PPP1R9A: variants seen among roughly 807,000 people sequenced by gnomAD.
The protein encoded by PPP1R9A is protein phosphatase 1 regulatory subunit 9A, also known as neurabin-1.
In PPP1R9A, 59 loss-of-function variants were observed where a neutral mutation model predicts 141.9. The ratio of observed to expected loss-of-function variants is 0.42; its 90% CI spans 0.34 to 0.52. The LOEUF is 0.52. Among genes scored for constraint, PPP1R9A ranks in the 20% least tolerant of loss-of-function variants. The pLI, the probability that PPP1R9A is intolerant of heterozygous loss-of-function variation, is 0.10. For synonymous variants in PPP1R9A, 500 were observed against 569.7 expected, an observed-to-expected ratio of 0.88 and a Z score of 1.74; for missense variants, 1,444 against 1,611.9, an observed-to-expected ratio of 0.90 and a Z score of 1.78.
chr7:95,222,879 CA>C (rs1794648716), intron 7 of PPP1R9A, among the ~76,000 whole-genome samples: 1 of 151,850 alleles, frequency 6.6e-6, no homozygotes, highest in African/African-American at 2.4e-5. Context: ...AGTGTAACCA[CA>C]AAAATAATTT....
At chr7:95,037,298 A>T (rs911067295) in intron 2 of PPP1R9A, among the ~76,000 whole-genome samples, 1 of 152,116 alleles carries the variant, frequency 6.6e-6, no homozygotes, top group Non-Finnish European at 1.5e-5. Context: ...AACTGAAAAA[A>T]ATTGAGATAA....
intron 2 of PPP1R9A, among the ~76,000 whole-genome samples, chr7:95,023,664 C>A (rs771891952): frequency 6.6e-6 from 1 of 152,118 alleles, no homozygotes; most frequent in Non-Finnish European, 1.5e-5. Flanking sequence ...CGCCATTCTC[C>A]TGCCTCCTTC....
intron 12 of PPP1R9A, among the ~76,000 whole-genome samples, chr7:95,254,247 G>A (rs570502068): frequency 6.6e-6 from 1 of 152,288 alleles, no homozygotes; most frequent in Admixed American, 6.5e-5. Flanking sequence ...TGCTCTTCCA[G>A]TTTTGCTGTG....
chr7:94,936,103 A>G (rs186297711), intron 2 of PPP1R9A, among the ~76,000 whole-genome samples: 14 of 152,262 alleles, frequency 9.2e-5, no homozygotes, highest in Non-Finnish European at 1.3e-4. Context: ...TTTCCTCAAT[A>G]ATTAGGTTTA....
chr7:94,968,121 T>C (rs542896068), intron 2 of PPP1R9A, among the ~76,000 whole-genome samples: 77 of 152,304 alleles, frequency 5.1e-4, no homozygotes, highest in Non-Finnish European at 9.7e-4. Flanking sequence ...GTTTTTAGGA[T>C]AGTTAGCTCT....
intron 2 of PPP1R9A, among the ~76,000 whole-genome samples, chr7:94,917,645 C>T (rs1312896598): frequency 3.3e-5 from 5 of 150,898 alleles, no homozygotes; most frequent in African/African-American, 9.8e-5. Context: ...TGGGTTCAAG[C>T]GACCCTCCTG....
At chr7:95,247,651 T>C (rs966532396) in intron 9 of PPP1R9A, 125 bp downstream of exon 9, 2 of 762,636 alleles carry the variant, frequency 2.6e-6, no homozygotes, top group African/African-American at 3.6e-5. Context: ...GATAGATTCA[T>C]TTTCACTGTC....
At chr7:95,084,055 G>A (rs1157226534) in intron 2 of PPP1R9A, among the ~76,000 whole-genome samples, 2 of 151,974 alleles carry the variant, frequency 1.3e-5, no homozygotes, top group Non-Finnish European at 2.9e-5. Context: ...ACAAGGCAAA[G>A]ACATCTTTTT....
intron 2 of PPP1R9A, among the ~76,000 whole-genome samples, chr7:94,944,468 A>G (rs531868335): frequency 6.7e-6 from 1 of 149,316 alleles, no homozygotes; most frequent in East Asian, 2.0e-4. Context: ...CCGATTAAAA[A>G]AAAAGGTCAT....
At chr7:95,254,054 A>C (rs1217681984) in intron 12 of PPP1R9A, among the ~76,000 whole-genome samples, 1 of 152,128 alleles carries the variant, frequency 6.6e-6, no homozygotes, top group Non-Finnish European at 1.5e-5. Context: ...AAAACCTTAC[A>C]TTTCATCTGA....
rs1281366513 is a variant in PPP1R9A, at chr7:95,291,241, A to G, written c.*938A>G. 6.6e-6 allele frequency: 1 copy of G among 152,180 alleles called. No homozygotes were observed. Among genetic ancestry groups the G allele is most frequent in the African/African-American group, 2.4e-5 (1 of 41,440 alleles). 9.4% of individuals were successfully genotyped at this position (152,180 alleles called of 1,614,324 possible). ...CATTTTCAGGTTTCCTCTCCTGGGG[A>G]ACATTCTGGCTGGTCTTCAGCCTGC... On this transcript the variant is annotated 3_prime_UTR_variant, in exon 20 of 20. Coordinates refer to ENST00000433360, the MANE Select transcript of PPP1R9A (RefSeq NM_001166160.2).
chr7:95,206,350 T>C (rs1348409840), intron 7 of PPP1R9A, among the ~76,000 whole-genome samples: 1 of 152,200 alleles, frequency 6.6e-6, no homozygotes, highest in East Asian at 1.9e-4. Flanking sequence ...TAAAGGGATT[T>C]TTTTAATGGA....
chr7:94,966,227 C>A (rs1798198984), intron 2 of PPP1R9A, among the ~76,000 whole-genome samples: 1 of 152,094 alleles, frequency 6.6e-6, no homozygotes, highest in Non-Finnish European at 1.5e-5. Flanking sequence ...TGGGCTGAGA[C>A]CCTGGGGTTT....
intron 2 of PPP1R9A, among the ~76,000 whole-genome samples, chr7:95,080,670 C>G (rs1041556096): frequency 2.0e-5 from 3 of 152,112 alleles, no homozygotes. Context: ...GGAGGCATCA[C>G]GCTACCTGAC....
chr7:95,066,013 T>C (rs1222255284), intron 2 of PPP1R9A, among the ~76,000 whole-genome samples: 2 of 152,170 alleles, frequency 1.3e-5, no homozygotes, highest in Admixed American at 6.6e-5. Flanking sequence ...AATGTATTGT[T>C]ATGGTCCAAA....
intron 2 of PPP1R9A, among the ~76,000 whole-genome samples, chr7:94,931,128 A>C (rs559644364): frequency 2.6e-5 from 4 of 152,352 alleles, no homozygotes; most frequent in Admixed American, 2.6e-4. Context: ...TAAAGTCTTC[A>C]GAGAAATATA....
At chr7:95,136,629 G>T (rs1825715691) in intron 4 of PPP1R9A, among the ~76,000 whole-genome samples, 1 of 152,112 alleles carries the variant, frequency 6.6e-6, no homozygotes, top group Non-Finnish European at 1.5e-5. Context: ...CATAATGATG[G>T]AGAACTCAGC....
intron 4 of PPP1R9A, among the ~76,000 whole-genome samples, chr7:95,137,415 C>CAAAAAAAAAAAAAAA (rs33928009): frequency 1.4e-3 from 124 of 91,474 alleles, no homozygotes; most frequent in African/African-American, 4.8e-3. Flanking sequence ...GACATGAACT[C>CAAAAAAAAAAAAAAA]AAAAAAAAAA....
At chr7:95,214,021 C>T (rs1486559234) in intron 7 of PPP1R9A, among the ~76,000 whole-genome samples, 5 of 152,198 alleles carry the variant, frequency 3.3e-5, no homozygotes, top group Admixed American at 1.3e-4. Flanking sequence ...TTTAGTCTTG[C>T]TCCAATACAC....
Sources: allele counts gnomAD v4.1 joint callset (sites outside exome capture counted in the v4.1 genomes callset), GRCh38; gene constraint gnomAD v4.1.1; transcripts MANE v1.5; gene names NCBI Gene and HGNC (gene_info 2026-07-23, HGNC 2026-07-21).